Variants in PTPRR observed in about 807,000 individuals in gnomAD.
The protein encoded by PTPRR is protein tyrosine phosphatase receptor type R.
Under a neutral mutation model 77.2 loss-of-function variants are expected in PTPRR, and 38 were observed. The ratio of observed to expected loss-of-function variants is 0.49; its 90% confidence interval spans 0.38 to 0.65. The LOEUF is 0.65. Ranked by LOEUF, PTPRR falls within the 30% of genes least tolerant of loss-of-function variation. PTPRR has a pLI of 0.00. For synonymous variants in PTPRR, 299 were observed against 283.1 expected (o/e 1.06, Z -0.57); for missense variants, 744 against 799.2 (o/e 0.93, Z 0.83).
intron 10 of PTPRR, among the ~76,000 whole-genome samples, chr12:70,665,739 C>T (rs1368024278): frequency 6.6e-6 from 1 of 151,322 alleles, no homozygotes; most frequent in Non-Finnish European, 1.5e-5. Flanking sequence ...TGGCCCCCAC[C>T]AAGTTAGGGC....
At position 70,658,883 on chromosome 12, in the gene PTPRR, G is replaced by GTTTTTTTTTTTTTTTTTTTTTTTTTTT. The variant is rs746595856; in HGVS notation, c.1766+2030_1766+2056dup. 1.6e-4 allele frequency among the ~76,000 whole-genome samples: 6 copies of GTTTTTTTTTTTTTTTTTTTTTTTTTTT among 36,926 alleles called. 1 individual carries two copies. Among genetic ancestry groups the GTTTTTTTTTTTTTTTTTTTTTTTTTTT allele is most frequent in the African/African-American group, 2.2e-4 (2 of 9,106 alleles). The allele number at this position is 36,926 out of a possible 152,430, so 24.2% of individuals were successfully genotyped here. On this transcript the variant is annotated intron_variant, in intron 12 of 13. Transcript: ENST00000283228. ...TTCAACGTTAGGGACTTTTGCTCTA[G>GTTTTTTTTTTTTTTTTTTTTTTTTTTT]TTTTTTTTTTTTTTTTTTTTTTTTT...
chr12:70,871,209 C>CTGTGATG lies in PTPRR; in HGVS notation c.357+21463_357+21469dup, dbSNP rs1422627246. The stretch of plus-strand genomic sequence containing the variant: ...CTGTGGGCTAACTTTAGCTGATAGG[C>CTGTGATG]TGTGATGTGTAGCCCCTCTGGCAAA... On this transcript the variant is annotated intron_variant, in intron 2 of 13. Transcript: ENST00000283228. 1.3e-4 allele frequency among the ~76,000 whole-genome samples: 20 copies of CTGTGATG among 152,298 alleles called. No individual in the cohort carries two copies. In the East Asian group the frequency reaches 2.3e-3, roughly 18 times the overall value.
intron 8 of PTPRR, among the ~76,000 whole-genome samples, chr12:70,697,148 C>G (rs528596110): frequency 3.9e-5 from 6 of 152,138 alleles, no homozygotes; most frequent in Non-Finnish European, 8.8e-5. Flanking sequence ...TTTTAAGGAA[C>G]TGCCAAACTG....
chr12:70,740,269 G>A (rs1463333898), intron 6 of PTPRR, among the ~76,000 whole-genome samples: 6 of 152,062 alleles, frequency 3.9e-5, no homozygotes, highest in Admixed American at 2.0e-4. Flanking sequence ...GATGATTACA[G>A]AAAGAGATAA....
intron 8 of PTPRR, among the ~76,000 whole-genome samples, chr12:70,694,277 T>C (rs1367809521): frequency 6.6e-6 from 1 of 152,192 alleles, no homozygotes; most frequent in East Asian, 1.9e-4. Context: ...CCTGAGTAAA[T>C]GGCATTCTTT....
chr12:70,845,076 A>C (rs1892461213), intron 2 of PTPRR, among the ~76,000 whole-genome samples: 1 of 152,208 alleles, frequency 6.6e-6, no homozygotes, highest in Admixed American at 6.5e-5. Context: ...ACATGGAAAA[A>C]GGAAGATTTG....
chr12:70,652,638 T>C (rs571054802), intron 13 of PTPRR, among the ~76,000 whole-genome samples: 2 of 152,188 alleles, frequency 1.3e-5, no homozygotes, highest in Non-Finnish European at 2.9e-5. Flanking sequence ...AGAAGTTGGA[T>C]GTGTTTTCAA....
chr12:70,891,400 A>G (rs142813805), intron 2 of PTPRR, among the ~76,000 whole-genome samples: 276 of 152,210 alleles, frequency 1.8e-3, no homozygotes, highest in African/African-American at 6.1e-3. Context: ...AGATACAGAG[A>G]CATCATTAAC....
chr12:70,728,207 T>A (rs1457914987), intron 6 of PTPRR, among the ~76,000 whole-genome samples: 3 of 142,646 alleles, frequency 2.1e-5, no homozygotes, highest in African/African-American at 7.9e-5. Context: ...TTTGGATTTT[T>A]TTTTTTTCAG....
chr12:70,910,804 T>C (rs1293070920), intron 1 of PTPRR, among the ~76,000 whole-genome samples: 1 of 152,152 alleles, frequency 6.6e-6, no homozygotes, highest in Non-Finnish European at 1.5e-5. Context: ...TTGTGAGGAC[T>C]CATGTGAATT....
chr12:70,868,691 A>T (rs1450990438), intron 2 of PTPRR, among the ~76,000 whole-genome samples: 1 of 152,140 alleles, frequency 6.6e-6, no homozygotes, highest in African/African-American at 2.4e-5. Context: ...TACTGGGTAT[A>T]TACCCAAAGG....
At chr12:70,698,684 A>C (rs1292387351) in intron 7 of PTPRR, among the ~76,000 whole-genome samples, 1 of 152,192 alleles carries the variant, frequency 6.6e-6, no homozygotes, top group African/African-American at 2.4e-5. Flanking sequence ...TTTTTAAAAA[A>C]CAATGTATTC....
intron 2 of PTPRR, among the ~76,000 whole-genome samples, chr12:70,836,554 C>G (rs991954070): frequency 1.3e-5 from 2 of 151,940 alleles, no homozygotes; most frequent in African/African-American, 2.4e-5. Context: ...GTAATCTAGC[C>G]CCTTCTCATC....
At chr12:70,664,217 A>C (rs1886897846) in intron 10 of PTPRR, 1 of 152,200 alleles carries the variant, frequency 6.6e-6, no homozygotes, top group Non-Finnish European at 1.5e-5. Flanking sequence ...TGGCTGACTT[A>C]ATGTTAACAT....
At chr12:70,849,025 TTTTG>T (rs1454881825) in intron 2 of PTPRR, among the ~76,000 whole-genome samples, 5 of 152,194 alleles carry the variant, frequency 3.3e-5, no homozygotes, top group East Asian at 1.9e-4. Flanking sequence ...ATTTATAATT[TTTTG>T]TTTATGTGAA....
intron 6 of PTPRR, among the ~76,000 whole-genome samples, chr12:70,742,547 C>A (rs1052106586): frequency 6.6e-6 from 1 of 152,034 alleles, no homozygotes; most frequent in Admixed American, 6.6e-5. Context: ...TGCCAAAGGC[C>A]AGATCAGAAA....
At chr12:70,845,606 T>A (rs1197151483) in intron 2 of PTPRR, among the ~76,000 whole-genome samples, 1 of 152,166 alleles carries the variant, frequency 6.6e-6, no homozygotes, top group African/African-American at 2.4e-5. Flanking sequence ...TAAATTAACC[T>A]AAAAAGTCTA....
At chr12:70,823,088 C>G (rs2137042601) in intron 2 of PTPRR, among the ~76,000 whole-genome samples, 1 of 146,346 alleles carries the variant, frequency 6.8e-6, no homozygotes, top group South Asian at 2.2e-4. Flanking sequence ...TTTCTCTTCT[C>G]TCTTGCTGTC....
chr12:70,717,710 T>C (rs905349318), intron 6 of PTPRR, among the ~76,000 whole-genome samples: 44 of 152,272 alleles, frequency 2.9e-4, no homozygotes, highest in African/African-American at 8.9e-4. Flanking sequence ...CCTAACAAGA[T>C]GGAACACAAT....
Sources: gnomAD v4.1 joint callset for allele counts (sites outside exome capture counted in the v4.1 genomes callset) on GRCh38, gnomAD v4.1.1 for gene constraint, MANE v1.5 for transcripts, NCBI Gene and HGNC (gene_info 2026-07-23, HGNC 2026-07-21) for gene names.